FGD3: variants seen among roughly 807,000 people sequenced by gnomAD.
The protein encoded by FGD3 is FYVE, RhoGEF and PH domain containing 3, also known as FYVE, RhoGEF and PH domain-containing protein 3.
In FGD3, 45 loss-of-function variants were observed where a neutral mutation model predicts 71.8. The observed-to-expected ratio is 0.63, with a 90% CI of 0.49 to 0.80. The LOEUF (loss-of-function observed/expected upper bound fraction) is 0.80, where lower values mean the gene tolerates loss of function less well. Among genes scored for constraint, FGD3 ranks in the 30% least tolerant of loss-of-function variants. The pLI, the probability that FGD3 is intolerant of heterozygous loss-of-function variation, is 0.00. For synonymous variants in FGD3, 378 were observed against 392.8 expected (o/e 0.96, Z 0.44); for missense variants, 844 against 951.5 (o/e 0.89, Z 1.49).
chr9:93,018,752 C>T (rs988587078), intron 11 of FGD3, among the ~76,000 whole-genome samples: 5 of 152,186 alleles, frequency 3.3e-5, no homozygotes, highest in Non-Finnish European at 4.4e-5. Flanking sequence ...GGACTCGGGG[C>T]GGTTTTAGTA....
chr9:92,985,769 C>T (rs1471158490), intron 3 of FGD3, among the ~76,000 whole-genome samples: 1 of 152,130 alleles, frequency 6.6e-6, no homozygotes, highest in Non-Finnish European at 1.5e-5. Context: ...TGAACCACCG[C>T]ACCTGGCCCA....
chr9:93,027,715 C>CTTTTTTTTTTTTTTT (rs1199094054), intron 14 of FGD3, among the ~76,000 whole-genome samples: 45 of 101,994 alleles, frequency 4.4e-4, no homozygotes, highest in African/African-American at 8.0e-4. Context: ...TTCTTTCTTT[C>CTTTTTTTTTTTTTTT]TTTTTTTTTT....
chr9:92,952,505 G>C (rs1858973350), intron 1 of FGD3, among the ~76,000 whole-genome samples: 1 of 152,110 alleles, frequency 6.6e-6, no homozygotes, highest in African/African-American at 2.4e-5. Context: ...CCAAAGTGCT[G>C]GGATTACAGG....
chr9:93,004,129 G>A lies in FGD3; in HGVS notation c.672G>A (p.Thr224=), dbSNP rs764785925. Reference sequence around the variant, plus strand: ...TGCCGGAGCTGAAGACGCGGATCACGGAGGAGTGGTGAGTACCATCTGCGC... The same window carrying A: ...TGCCGGAGCTGAAGACGCGGATCACAGAGGAGTGGTGAGTACCATCTGCGC... ...FLLPELKTRI[T]EEWDTNPRLG... The change falls in exon 5 of 18, where the codon ACG becomes ACA. Residue 224 remains threonine (T), a synonymous_variant. Transcript: ENST00000375482. 6.2e-7 allele frequency: 1 copy of A among 1,613,816 alleles called. No homozygotes were observed. The highest frequency in any genetic ancestry group is 1.7e-5 in the Admixed American group (1 of 60,030).
chr9:92,987,325 G>T (rs10283409), intron 3 of FGD3, among the ~76,000 whole-genome samples: 77,487 of 151,316 alleles, frequency 0.51, 20,085 homozygotes, highest in Middle Eastern at 0.62. Flanking sequence ...CCAGCTACTT[G>T]GGAGGCTGAG....
intron 3 of FGD3, among the ~76,000 whole-genome samples, chr9:93,000,026 T>C (rs1339132861): frequency 6.9e-6 from 1 of 144,648 alleles, no homozygotes; most frequent in Non-Finnish European, 1.5e-5. Flanking sequence ...TTTACTCTCT[T>C]ACTATCTTTC....
At chr9:92,980,930 CA>C (rs1859967828) in intron 3 of FGD3, among the ~76,000 whole-genome samples, 1 of 148,532 alleles carries the variant, frequency 6.7e-6, no homozygotes, top group Non-Finnish European at 1.5e-5. Flanking sequence ...TAGATCCCGC[CA>C]CTGTGCTCTA....
In FGD3 at chr9:92,969,892, A is replaced by G. The variant is rs1859472353; in HGVS notation, c.-217-5346A>G. Among the ~76,000 whole-genome samples the G allele has an allele frequency of 6.6e-6, 1 of 152,200 alleles. No individual in the cohort carries two copies. Among genetic ancestry groups the G allele is most frequent in the Non-Finnish European group, 1.5e-5 (1 of 68,040 alleles). ...TCTAGGACACCCTGGATTCTGGGGCATTCTAAATTTCTTCAGGTTTGTGGA... is the reference window on the plus strand; with the variant it reads ...TCTAGGACACCCTGGATTCTGGGGCGTTCTAAATTTCTTCAGGTTTGTGGA... On this transcript the variant is annotated intron_variant, in intron 1 of 17. Transcript: ENST00000375482. The surrounding 1 kb of genome is among the most constrained non-coding windows in gnomAD (Gnocchi z 4.5).
At chr9:92,999,658 A>G (rs774309514) in intron 3 of FGD3, among the ~76,000 whole-genome samples, 82 of 150,584 alleles carry the variant, frequency 5.4e-4, no homozygotes, top group Non-Finnish European at 7.4e-4. Flanking sequence ...CAGTGGCACA[A>G]TCTCAGCTCG....
intron 1 of FGD3, among the ~76,000 whole-genome samples, chr9:92,959,789 C>T (rs1449263053): frequency 1.3e-5 from 2 of 151,166 alleles, no homozygotes; most frequent in East Asian, 1.9e-4. Context: ...TTTGGAAGGT[C>T]GATGGCTGAA....
intron 10 of FGD3, among the ~76,000 whole-genome samples, chr9:93,017,503 T>C (rs970104239): frequency 4.6e-5 from 7 of 151,782 alleles, no homozygotes; most frequent in Non-Finnish European, 1.0e-4. Context: ...ACTACCCCAC[T>C]GCAATGAGAC....
At chr9:92,976,739 G>T in intron 3 of FGD3, 30 bp downstream of exon 3, 1 of 1,529,400 alleles carries the variant, frequency 6.5e-7, no homozygotes, top group Non-Finnish European at 8.8e-7. Flanking sequence ...TCCCCGCTGC[G>T]GGCTGCAGGC....
chr9:92,951,204 G>T (rs975465544), intron 1 of FGD3, among the ~76,000 whole-genome samples: 4 of 152,202 alleles, frequency 2.6e-5, no homozygotes. Context: ...CTTGTTGAAT[G>T]AATACATGAA....
At chr9:92,949,059 C>T (rs972869626) in intron 1 of FGD3, among the ~76,000 whole-genome samples, 1 of 152,174 alleles carries the variant, frequency 6.6e-6, no homozygotes, top group Non-Finnish European at 1.5e-5. Flanking sequence ...TAGTTGGGCT[C>T]CTAGGGGACT....
At chr9:93,014,165 A>G (rs1455251928) in intron 9 of FGD3, among the ~76,000 whole-genome samples, 167 bp downstream of exon 9, 2 of 152,026 alleles carry the variant, frequency 1.3e-5, no homozygotes, top group African/African-American at 4.8e-5. Flanking sequence ...TCCCCCAGCC[A>G]TAGGGAGCCT....
intron 14 of FGD3, among the ~76,000 whole-genome samples, chr9:93,023,234 C>T (rs1025599720): frequency 5.3e-5 from 8 of 152,178 alleles, no homozygotes; most frequent in South Asian, 2.1e-4. Flanking sequence ...CCATCCAAGA[C>T]GGGTCTTTCC....
At chr9:92,982,531 T>C (rs1444985037) in intron 3 of FGD3, among the ~76,000 whole-genome samples, 2 of 151,534 alleles carry the variant, frequency 1.3e-5, no homozygotes, top group Non-Finnish European at 2.9e-5. Context: ...ATATGGTAGT[T>C]CTATGGTTTT....
At chr9:93,035,300 A>G (rs1206436239) in intron 17 of FGD3, 38 bp from the exon 18 acceptor site, 1 of 1,589,686 alleles carries the variant, frequency 6.3e-7, no homozygotes, top group African/African-American at 1.3e-5. Flanking sequence ...GAGGCCGGGA[A>G]GCTGTGGCCC....
chr9:93,034,393 G>A, intron 16 of FGD3, 148 bp from the exon 17 acceptor site: 2 of 1,080,830 alleles, frequency 1.9e-6, no homozygotes, highest in Non-Finnish European at 2.6e-6. Context: ...AGCCGGGTGA[G>A]GCTGGTCCCA....
Sources: gnomAD v4.1 joint callset for allele counts (sites outside exome capture counted in the v4.1 genomes callset) on GRCh38, gnomAD v4.1.1 for gene constraint, Gnocchi (gnomAD v3.1) non-coding constraint, MANE v1.5 for transcripts, NCBI Gene and HGNC (gene_info 2026-07-23, HGNC 2026-07-21) for gene names.